The following DCDC1 variants were observed in gnomAD, a reference collection of about 807,000 sequenced individuals.
DCDC1 encodes the protein doublecortin domain containing 1, also known as doublecortin domain-containing protein 1.
In DCDC1, 200 loss-of-function variants were observed where a neutral mutation model predicts 178.3. That is an observed-to-expected ratio of 1.12 (90% CI 1.00 to 1.26). DCDC1 has a LOEUF of 1.26. Among genes scored for constraint, DCDC1 ranks in the 50% most tolerant of loss-of-function variants. The pLI, the probability that DCDC1 is intolerant of heterozygous loss-of-function variation, is 0.00. For synonymous variants in DCDC1, 690 were observed against 604.8 expected, an observed-to-expected ratio of 1.14 and a Z score of -2.07; for missense variants, 1,983 against 1,749.2, an observed-to-expected ratio of 1.13 and a Z score of -2.38.
At chr11:31,366,719 T>C (rs1205260016) in intron 1 of DCDC1, among the ~76,000 whole-genome samples, 3 of 152,196 alleles carry the variant, frequency 2.0e-5, no homozygotes, top group South Asian at 4.1e-4. Context: ...ACAATGATTA[T>C]TGTCAAAGAA....
chr11:31,310,308 A>AT (rs11407483), intron 3 of DCDC1, among the ~76,000 whole-genome samples: 28,103 of 53,898 alleles, frequency 0.52, 11,164 homozygotes, highest in Non-Finnish European at 0.64. Context: ...GTAATTCTTG[A>AT]TTTTTTTTTT....
chr11:31,048,568 T>C (rs891832220), intron 20 of DCDC1, among the ~76,000 whole-genome samples: 1 of 152,134 alleles, frequency 6.6e-6, no homozygotes, highest in Non-Finnish European at 1.5e-5. Context: ...TTAAAAGGAC[T>C]GTCGGCTGGG....
intron 8 of DCDC1, chr11:31,263,010 A>C: frequency 6.2e-7 from 1 of 1,606,278 alleles, no homozygotes; most frequent in Non-Finnish European, 8.5e-7. Flanking sequence ...TACGTGAAGC[A>C]CGAGTCATGA....
chr11:31,002,010 T>C (rs1210958930), intron 20 of DCDC1, among the ~76,000 whole-genome samples: 1 of 152,196 alleles, frequency 6.6e-6, no homozygotes, highest in Non-Finnish European at 1.5e-5. Context: ...ATTAAAGTCA[T>C]GACTAATCTT....
At chr11:30,942,201 T>C (rs1441024513) in intron 21 of DCDC1, among the ~76,000 whole-genome samples, 1 of 152,182 alleles carries the variant, frequency 6.6e-6, no homozygotes, top group Non-Finnish European at 1.5e-5. Context: ...TCAAAGGTTA[T>C]GACAACTTCA....
chr11:31,311,101 A>C (rs1226656610), intron 3 of DCDC1, among the ~76,000 whole-genome samples: 1 of 152,030 alleles, frequency 6.6e-6, no homozygotes, highest in East Asian at 1.9e-4. Flanking sequence ...CCTCATTTCT[A>C]TGCTAAATTA....
At chr11:31,276,318 T>C (rs1945982511) in intron 7 of DCDC1, among the ~76,000 whole-genome samples, 1 of 152,198 alleles carries the variant, frequency 6.6e-6, no homozygotes, top group Admixed American at 6.5e-5. Context: ...ATGAAATTTA[T>C]CAAGCTGAAA....
chr11:31,282,685 T>C (rs1233738020), intron 7 of DCDC1, among the ~76,000 whole-genome samples: 1 of 152,128 alleles, frequency 6.6e-6, no homozygotes, highest in Non-Finnish European at 1.5e-5. Context: ...CATACCCAAA[T>C]TTGTTTCTGG....
chr11:30,906,210 T>C (rs1353481368), intron 30 of DCDC1: 1 of 212,486 alleles, frequency 4.7e-6, no homozygotes, highest in Non-Finnish European at 9.5e-6. Context: ...TTCCTGTGGA[T>C]ATAGGCAAAA....
intron 9 of DCDC1, among the ~76,000 whole-genome samples, chr11:31,214,264 G>A (rs1458943560): frequency 6.6e-6 from 1 of 151,932 alleles, no homozygotes; most frequent in African/African-American, 2.4e-5. Flanking sequence ...TTTATTTACC[G>A]AGATGAAAAT....
At chr11:31,029,473 G>A (rs979200434) in intron 20 of DCDC1, among the ~76,000 whole-genome samples, 4 of 152,108 alleles carry the variant, frequency 2.6e-5, no homozygotes, top group Admixed American at 2.6e-4. Flanking sequence ...ATATCAGTGT[G>A]CAGATGCCTA....
At chr11:30,990,703 G>A (rs781561808) in intron 20 of DCDC1, among the ~76,000 whole-genome samples, 2 of 152,222 alleles carry the variant, frequency 1.3e-5, no homozygotes, top group African/African-American at 2.4e-5. Flanking sequence ...AACAAAGCAC[G>A]TGTGTTTTAT....
intron 20 of DCDC1, among the ~76,000 whole-genome samples, chr11:31,062,696 G>A (rs1026021720): frequency 1.3e-5 from 2 of 152,004 alleles, no homozygotes; most frequent in African/African-American, 2.4e-5. Flanking sequence ...AATCACTTTT[G>A]CTATCTATCA....
intron 9 of DCDC1, among the ~76,000 whole-genome samples, chr11:31,138,695 C>A (rs980179829): frequency 3.3e-5 from 5 of 152,164 alleles, no homozygotes; most frequent in Admixed American, 6.6e-5. Context: ...TAAGCTTTCT[C>A]AATTGTATGC....
At chr11:31,254,620 T>C (rs1944291616) in intron 8 of DCDC1, among the ~76,000 whole-genome samples, 2 of 152,140 alleles carry the variant, frequency 1.3e-5, no homozygotes, top group African/African-American at 4.8e-5. Flanking sequence ...ACAATAAGCA[T>C]TCACTTAGCT....
At chr11:31,189,311 A>C (rs1969867297) in intron 9 of DCDC1, among the ~76,000 whole-genome samples, 1 of 152,202 alleles carries the variant, frequency 6.6e-6, no homozygotes, top group Non-Finnish European at 1.5e-5. Flanking sequence ...TTGGAAAAGT[A>C]GATAATGTCC....
rs1434217827 is a variant in DCDC1, at chr11:30,865,182, G to A, written c.*191C>T. Reference sequence around the variant, plus strand: ...GGGTTTATTTAAAATGCAGATTTTTGAAGGATAAATTTTACGACTAATTTT... The same window carrying A: ...GGGTTTATTTAAAATGCAGATTTTTAAAGGATAAATTTTACGACTAATTTT... On this transcript the variant is annotated 3_prime_UTR_variant, in exon 39 of 39. Coordinates refer to ENST00000684477, the MANE Select transcript of DCDC1 (RefSeq NM_001387274.1). 1.3e-5 allele frequency: 2 copies of A among 152,108 alleles called. No individual in the cohort carries two copies. The highest frequency in any genetic ancestry group is 2.9e-5 in the Non-Finnish European group (2 of 68,014). 9.4% of individuals were successfully genotyped at this position (152,108 alleles called of 1,614,324 possible). A position where few individuals can be genotyped will look rare whatever the true frequency, so the allele number is the denominator to read the frequency against.
At chr11:31,200,172 G>T (rs1455032322) in intron 9 of DCDC1, among the ~76,000 whole-genome samples, 2 of 151,820 alleles carry the variant, frequency 1.3e-5, no homozygotes, top group African/African-American at 4.8e-5. Context: ...TGATCAAAAG[G>T]GGAATTTTAA....
chr11:31,127,363 C>T, intron 11 of DCDC1, 106 bp downstream of exon 11: 1 of 534,864 alleles, frequency 1.9e-6, no homozygotes, highest in Non-Finnish European at 3.3e-6. Flanking sequence ...AGGAAGACAA[C>T]ATTAAAAGAA....
Sources: gnomAD v4.1 joint callset for allele counts (sites outside exome capture counted in the v4.1 genomes callset) on GRCh38, gnomAD v4.1.1 for gene constraint, MANE v1.5 for transcripts, NCBI Gene and HGNC (gene_info 2026-07-23, HGNC 2026-07-21) for gene names.